ABCA8: variants seen among roughly 807,000 people sequenced by gnomAD.
ABCA8 encodes ABC-type organic anion transporter ABCA8.
A neutral mutation model predicts 192.3 loss-of-function variants in ABCA8; 177 were observed. That is an observed-to-expected ratio of 0.92 (90% CI 0.81 to 1.04). The LOEUF is 1.04. ABCA8 is among the 50% of genes least tolerant of loss of function. ABCA8 has a pLI of 0.00. For synonymous variants in ABCA8, 642 were observed against 690.2 expected, an observed-to-expected ratio of 0.93 and a Z score of 1.09; for missense variants, 1,915 against 1,904.8, an observed-to-expected ratio of 1.01 and a Z score of -0.10.
chr17:68,881,024 T>A (rs1457411127), intron 32 of ABCA8, 96 bp downstream of exon 32: 2 of 834,436 alleles, frequency 2.4e-6, no homozygotes, highest in Non-Finnish European at 4.1e-6. Context: ...ACTTCAGTTA[T>A]ATAAGGATTA....
At chr17:68,947,743 T>A (rs2068452127) in intron 2 of ABCA8, among the ~76,000 whole-genome samples, 2 of 152,062 alleles carry the variant, frequency 1.3e-5, no homozygotes, top group African/African-American at 2.4e-5. Context: ...TTATTTTTAT[T>A]TTACTTCATG....
At chr17:68,906,264 T>C (rs2067065391) in intron 18 of ABCA8, 101 bp from the exon 19 acceptor site, 1 of 845,780 alleles carries the variant, frequency 1.2e-6, no homozygotes, top group South Asian at 3.9e-5. Flanking sequence ...ACTATACTTG[T>C]GATATGTCAA....
intron 1 of ABCA8, among the ~76,000 whole-genome samples, chr17:68,954,304 T>C (rs1173923234): frequency 6.6e-6 from 1 of 150,398 alleles, no homozygotes; most frequent in African/African-American, 2.4e-5. Context: ...GCGAAGTTAA[T>C]AGACATTGGC....
intron 16 of ABCA8, 90 bp from the exon 17 acceptor site, chr17:68,917,541 A>G: frequency 1.2e-6 from 1 of 865,516 alleles, no homozygotes; most frequent in Non-Finnish European, 1.8e-6. Context: ...ATATAATCAA[A>G]CTTTAATTCA....
intron 33 of ABCA8, 54 bp downstream of exon 33, chr17:68,877,465 C>A: frequency 6.7e-7 from 1 of 1,500,060 alleles, no homozygotes; most frequent in South Asian, 1.4e-5. Context: ...TCATCACTCT[C>A]AACCTCCTCC....
At chr17:68,888,131 T>C (rs969749075) in intron 24 of ABCA8, among the ~76,000 whole-genome samples, 6 of 150,366 alleles carry the variant, frequency 4.0e-5, no homozygotes, top group African/African-American at 7.3e-5. Flanking sequence ...TATCCTTTAA[T>C]TGGAATAAAA....
intron 17 of ABCA8, among the ~76,000 whole-genome samples, chr17:68,914,581 T>C (rs1211545513): frequency 6.6e-6 from 1 of 151,932 alleles, no homozygotes; most frequent in African/African-American, 2.4e-5. Context: ...AGTGATAAAC[T>C]TAACCAAAGA....
chr17:68,882,216 C>T (rs1384529921), intron 30 of ABCA8, among the ~76,000 whole-genome samples: 3 of 152,132 alleles, frequency 2.0e-5, no homozygotes, highest in Admixed American at 1.3e-4. Flanking sequence ...GTATTTTATA[C>T]AGCTTGCCTG....
chr17:68,917,683 T>C (rs1598256176), intron 16 of ABCA8, among the ~76,000 whole-genome samples: 1 of 152,208 alleles, frequency 6.6e-6, no homozygotes, highest in South Asian at 2.1e-4. Flanking sequence ...TGTTCTAATA[T>C]AGAAAATTAT....
chr17:68,889,334 C>A lies in ABCA8; in HGVS notation c.3145-1828G>T, dbSNP rs1055013687. ...TAAGATTGCCACTCAAAATCTGGCT[C>A]CACTGCAGAACTGCTGAATCGGAAT... On this transcript the variant is annotated intron_variant, in intron 24 of 39. Coordinates refer to ENST00000586539, the MANE Select transcript of ABCA8 (RefSeq NM_001288985.2). Among the ~76,000 whole-genome samples the A allele has an allele frequency of 5.9e-5, 9 of 152,214 alleles. No homozygotes were observed. In the East Asian group the frequency reaches 1.7e-3, roughly 29 times the overall value.
intron 19 of ABCA8, among the ~76,000 whole-genome samples, 187 bp downstream of exon 19, chr17:68,905,857 C>A (rs2067051743): frequency 6.6e-6 from 1 of 152,092 alleles, no homozygotes; most frequent in Non-Finnish European, 1.5e-5. Context: ...TGCAGTGAGC[C>A]TTGGATGTAG....
chr17:68,918,025 C>G, intron 16 of ABCA8, 22 bp downstream of exon 16: 1 of 1,613,560 alleles, frequency 6.2e-7, no homozygotes, highest in Non-Finnish European at 8.5e-7. Context: ...CCTCAGGATA[C>G]TTAACAGAAA....
intron 24 of ABCA8, among the ~76,000 whole-genome samples, chr17:68,888,857 A>C (rs760086021): frequency 6.6e-6 from 1 of 152,216 alleles, no homozygotes; most frequent in Non-Finnish European, 1.5e-5. Flanking sequence ...TGCCTAAGAC[A>C]GAATGGTATC....
Position 68,936,975 on chromosome 17 carries a change from T to G in ABCA8, c.442A>C (p.Lys148Gln). The G allele has an allele frequency of 6.2e-7, 1 of 1,603,312 alleles. No homozygotes were observed. Residue 148 changes from lysine to glutamine, a missense_variant, in exon 5 of 40, where the codon AAG becomes CAG. Coordinates refer to ENST00000586539, the MANE Select transcript of ABCA8 (RefSeq NM_001288985.2). ...KFLLGHGMPA[K>Q]KEHKDHTAHC... is the part of the protein sequence containing the mutation. Reference sequence around the variant, plus strand: ...CCTGTATGGTCCTTGTGCTCCTTCTTTGCTGGCATTCCATGTCCTAGCAAG... The same window carrying G: ...CCTGTATGGTCCTTGTGCTCCTTCTGTGCTGGCATTCCATGTCCTAGCAAG...
chr17:68,945,979 AT>A (rs1346700252), intron 2 of ABCA8, among the ~76,000 whole-genome samples: 2 of 151,678 alleles, frequency 1.3e-5, no homozygotes, highest in African/African-American at 4.8e-5. Context: ...CATCTTATTT[AT>A]TTTTTTCAAA....
At chr17:68,929,864 A>G (rs747800430) in intron 7 of ABCA8, among the ~76,000 whole-genome samples, 162 bp from the exon 8 acceptor site, 1 of 150,558 alleles carries the variant, frequency 6.6e-6, no homozygotes, top group Non-Finnish European at 1.5e-5. Flanking sequence ...ACAAGGTAAA[A>G]GTTTTGGGCA....
intron 33 of ABCA8, 77 bp from the exon 34 acceptor site, chr17:68,876,780 G>GC: frequency 1.9e-6 from 3 of 1,572,058 alleles, no homozygotes; most frequent in Non-Finnish European, 1.7e-6. Flanking sequence ...CAAGGGTGGA[G>GC]AAGCAGAACT....
chr17:68,891,096 A>G (rs1227417784), intron 24 of ABCA8, among the ~76,000 whole-genome samples: 2 of 152,194 alleles, frequency 1.3e-5, no homozygotes, highest in Non-Finnish European at 2.9e-5. Context: ...TTGAAAATCA[A>G]TTGATATATG....
At position 68,907,816 on chromosome 17, in the gene ABCA8, A is replaced by T. The variant is rs35354307; in HGVS notation, c.2202T>A (p.Pro734=). The T allele has an allele frequency of 6.2e-7, 1 of 1,610,734 alleles. No individual in the cohort carries two copies. The highest frequency in any genetic ancestry group is 1.7e-5 in the Admixed American group (1 of 59,718). The part of the protein sequence containing the change: ...NITSLVKQHI[P]DAKLSAKSEG... Reference sequence around the variant, plus strand: ...CGCTTTTGGCTGATAATTTGGCATCAGGGATGTGCTGTTTAACAAGTGATG... The same window carrying T: ...CGCTTTTGGCTGATAATTTGGCATCTGGGATGTGCTGTTTAACAAGTGATG... Residue 734 remains proline (P), a synonymous_variant, in exon 18 of 40, where the codon CCT becomes CCA. Transcript: ENST00000586539.
Sources: gnomAD v4.1 joint callset for allele counts (sites outside exome capture counted in the v4.1 genomes callset) on GRCh38, gnomAD v4.1.1 for gene constraint, MANE v1.5 for transcripts, NCBI Gene and HGNC (gene_info 2026-07-23, HGNC 2026-07-21) for gene names.